The following WWOX variants were observed in gnomAD, a reference collection of about 807,000 sequenced individuals.
WWOX encodes the protein WW domain containing oxidoreductase, also known as WW domain-containing oxidoreductase.
WWOX carries 69 observed loss-of-function variants against 46.2 expected under a neutral mutation model. That is an observed-to-expected ratio of 1.49 (90% CI 1.23 to 1.82). WWOX has a LOEUF of 1.82. Among genes scored for constraint, WWOX ranks in the 40% most tolerant of loss-of-function variants. The pLI is 0.00. For synonymous variants in WWOX, 359 were observed against 202.6 expected (o/e 1.77, Z -6.56); for missense variants, 919 against 542.6 (o/e 1.69, Z -6.89).
At chr16:78,241,392 A>G (rs752466294) in intron 5 of WWOX, among the ~76,000 whole-genome samples, 52 of 151,118 alleles carry the variant, frequency 3.4e-4, no homozygotes, top group Non-Finnish European at 6.8e-4. Context: ...CTTGATGGTG[A>G]TGATGATTGT....
intron 8 of WWOX, among the ~76,000 whole-genome samples, chr16:78,766,066 C>T (rs950478967): frequency 6.6e-6 from 1 of 152,144 alleles, no homozygotes; most frequent in Non-Finnish European, 1.5e-5. Context: ...TGAGCAGTTC[C>T]AAAGGAGTGG....
At position 79,103,153 on chromosome 16, in the gene WWOX, C is replaced by T. The variant is rs184286328; in HGVS notation, c.1057-108455C>T. On this transcript the variant is annotated intron_variant, in intron 8 of 8. Coordinates refer to ENST00000566780, the MANE Select transcript of WWOX (RefSeq NM_016373.4). Reference sequence around the variant, plus strand: ...TTGATCTCTGCTGAGTCTCTCAGCCCGTTTTCATCCCTCCTCTGCCTCTCC... The same window carrying T: ...TTGATCTCTGCTGAGTCTCTCAGCCTGTTTTCATCCCTCCTCTGCCTCTCC... 5.9e-5 allele frequency among the ~76,000 whole-genome samples: 9 copies of T among 152,216 alleles called. No homozygotes were observed. The East Asian group carries it at 9.7e-4, about 16-fold the overall frequency.
At chr16:78,520,607 C>G (rs1478060728) in intron 8 of WWOX, among the ~76,000 whole-genome samples, 1 of 151,870 alleles carries the variant, frequency 6.6e-6, no homozygotes, top group Admixed American at 6.5e-5. Context: ...CTGGGACTCA[C>G]TCTAGACTGG....
chr16:79,141,472 G>C (rs1210205899), intron 8 of WWOX, among the ~76,000 whole-genome samples: 1 of 152,144 alleles, frequency 6.6e-6, no homozygotes, highest in Non-Finnish European at 1.5e-5. Context: ...AGATTTTCAG[G>C]GTTCACAGAC....
At position 79,211,642 on chromosome 16, in the gene WWOX, C is replaced by T; in HGVS notation, c.1091C>T (p.Ala364Val). ...QGAATTVYCA[A>V]VPELEGLGGM... ...GCTGCCACCACCGTGTACTGTGCTG[C>T]TGTCCCAGAACTGGAGGGTCTGGGA... Residue 364 changes from alanine to valine, a missense_variant, in exon 9 of 9, where the codon GCT becomes GTT. Coordinates refer to ENST00000566780, the MANE Select transcript of WWOX (RefSeq NM_016373.4). 1 of 1,614,228 alleles carries T rather than the reference C, an allele frequency of 6.2e-7. No individual in the cohort carries two copies. Among genetic ancestry groups the T allele is most frequent in the African/African-American group, 1.3e-5 (1 of 75,066 alleles).
intron 8 of WWOX, among the ~76,000 whole-genome samples, chr16:78,689,398 C>A (rs116919111): frequency 0.012 from 1,873 of 152,316 alleles, 19 homozygotes; most frequent in Non-Finnish European, 0.021. Context: ...TGTTCTGGGG[C>A]AACTTCTGTC....
At chr16:78,322,501 C>T (rs1322816294) in intron 5 of WWOX, among the ~76,000 whole-genome samples, 1 of 152,128 alleles carries the variant, frequency 6.6e-6, no homozygotes, top group Non-Finnish European at 1.5e-5. Flanking sequence ...ATGTTATTAG[C>T]CCAATTTAAG....
intron 8 of WWOX, among the ~76,000 whole-genome samples, chr16:78,760,909 G>C (rs974676675): frequency 6.6e-6 from 1 of 152,174 alleles, no homozygotes; most frequent in Non-Finnish European, 1.5e-5. Context: ...CGCATCTCAC[G>C]TGGTGGCAGA....
At chr16:78,500,845 G>A (rs910932976) in intron 8 of WWOX, among the ~76,000 whole-genome samples, 2 of 152,178 alleles carry the variant, frequency 1.3e-5, no homozygotes, top group Non-Finnish European at 2.9e-5. Context: ...CAGCGCCTGT[G>A]CTGGGCCTGC....
chr16:79,131,754 A>G (rs1205621736), intron 8 of WWOX, among the ~76,000 whole-genome samples: 1 of 152,070 alleles, frequency 6.6e-6, no homozygotes, highest in Non-Finnish European at 1.5e-5. Flanking sequence ...GTATTAGTCC[A>G]TTTTCACACT....
At chr16:79,118,736 G>A (rs953970742) in intron 8 of WWOX, among the ~76,000 whole-genome samples, 1 of 152,130 alleles carries the variant, frequency 6.6e-6, no homozygotes, top group African/African-American at 2.4e-5. Flanking sequence ...TTTTTACCAC[G>A]TGTTGTGTTG....
chr16:78,165,277 C>T (rs569608117), intron 5 of WWOX, among the ~76,000 whole-genome samples: 13 of 152,324 alleles, frequency 8.5e-5, no homozygotes, highest in Non-Finnish European at 1.3e-4. Context: ...TTCACATATT[C>T]ATGAAGTGCA....
chr16:78,536,263 GATTTTA>G (rs1444941429), intron 8 of WWOX, among the ~76,000 whole-genome samples: 2 of 152,032 alleles, frequency 1.3e-5, no homozygotes, highest in African/African-American at 2.4e-5. Flanking sequence ...ATGTCATGTA[GATTTTA>G]ACCAAAGGTT....
chr16:78,355,500 G>A, intron 5 of WWOX: 1 of 365,770 alleles, frequency 2.7e-6, no homozygotes, highest in South Asian at 2.6e-5. Context: ...TACTCGGGAG[G>A]CTGAGACCGA....
intron 8 of WWOX, among the ~76,000 whole-genome samples, chr16:78,456,601 A>G (rs2079743997): frequency 1.3e-5 from 2 of 152,334 alleles, no homozygotes; most frequent in South Asian, 4.1e-4. Flanking sequence ...ATGGGTATGT[A>G]GTTCATTTTT....
chr16:78,405,012 T>C (rs1567552494), intron 6 of WWOX, among the ~76,000 whole-genome samples: 1 of 152,240 alleles, frequency 6.6e-6, no homozygotes, highest in East Asian at 1.9e-4. Context: ...CATGTGGATG[T>C]ACTTCTATTT....
intron 8 of WWOX, among the ~76,000 whole-genome samples, chr16:78,577,391 A>G (rs1045072592): frequency 6.6e-6 from 1 of 152,202 alleles, no homozygotes; most frequent in African/African-American, 2.4e-5. Context: ...TTTGTCCCCT[A>G]AATTCCAGCA....
At chr16:78,702,716 A>G (rs1417799519) in intron 8 of WWOX, among the ~76,000 whole-genome samples, 1 of 152,002 alleles carries the variant, frequency 6.6e-6, no homozygotes, top group Non-Finnish European at 1.5e-5. Flanking sequence ...GCCAAAGGTT[A>G]GAAAGAGAAC....
At chr16:78,523,693 C>A (rs543330035) in intron 8 of WWOX, among the ~76,000 whole-genome samples, 261 of 152,296 alleles carry the variant, frequency 1.7e-3, no homozygotes, top group Non-Finnish European at 2.9e-3. Flanking sequence ...GGTTTCAGCA[C>A]ATCACAGTCA....
Sources: allele counts gnomAD v4.1 joint callset (sites outside exome capture counted in the v4.1 genomes callset), GRCh38; gene constraint gnomAD v4.1.1; transcripts MANE v1.5; gene names NCBI Gene and HGNC (gene_info 2026-07-23, HGNC 2026-07-21).